PIP: variants seen among roughly 807,000 people sequenced by gnomAD.
The protein encoded by PIP is prolactin induced protein, also known as prolactin-inducible protein.
PIP carries 9 observed loss-of-function variants against 12.8 expected under a neutral mutation model. That is an observed-to-expected ratio of 0.70 (90% confidence interval 0.42 to 1.23). The LOEUF is 1.23. Among genes scored for constraint, PIP ranks in the 50% most tolerant of loss-of-function variants. The pLI, the probability that PIP is intolerant of heterozygous loss-of-function variation, is 0.00. For synonymous variants in PIP, 60 were observed against 66.1 expected (o/e 0.91, Z 0.45); for missense variants, 172 against 179.5 (o/e 0.96, Z 0.24).
At chr7:143,135,024 T>A (rs570293377) in intron 1 of PIP, among the ~76,000 whole-genome samples, 170 bp from the exon 2 acceptor site, 4 of 152,078 alleles carry the variant, frequency 2.6e-5, no homozygotes, top group Non-Finnish European at 5.9e-5. Flanking sequence ...AAGTTACCAA[T>A]CCAATCAACA....
intron 2 of PIP, among the ~76,000 whole-genome samples, chr7:143,138,677 T>C (rs899302187): frequency 1.1e-4 from 17 of 152,124 alleles, no homozygotes; most frequent in South Asian, 8.3e-4. Context: ...CATTGGCTCC[T>C]ACACGCAAGT....
Position 143,137,103 on chromosome 7 carries a change from T to C in PIP, c.201+1804T>C, listed in dbSNP as rs1290289240. On this transcript the variant is annotated intron_variant, in intron 2 of 3. Transcript: ENST00000291009. ...ATATTTATTTATTTTAGAATTAGAA[T>C]AGAATATACCTACAATCGTATATTT... is the stretch of plus-strand genomic sequence containing the variant. Among the ~76,000 whole-genome samples the C allele has an allele frequency of 1.3e-5, 2 of 152,036 alleles. 1 individual carries two copies. Among genetic ancestry groups the C allele is most frequent in the Non-Finnish European group, 2.9e-5 (2 of 67,976 alleles).
Position 143,135,239 on chromosome 7 carries a change from T to C in PIP, c.141T>C (p.Arg47=), listed in dbSNP as rs1163929266. Residue 47 remains arginine, a synonymous_variant, in exon 2 of 4, where the codon CGT becomes CGC. Coordinates refer to ENST00000291009, the MANE Select transcript of PIP (RefSeq NM_002652.3). ...IKNFDIPKSV[R]PNDEVTAVLA... ...ATTTTGACATTCCCAAGTCAGTACG[T>C]CCAAATGACGAAGTCACTGCAGTGC... The C allele has an allele frequency of 6.2e-7, 1 of 1,602,890 alleles. No homozygotes were observed. The highest frequency in any genetic ancestry group is 8.5e-7 in the Non-Finnish European group (1 of 1,170,110).
chr7:143,136,353 T>G (rs1056468449), intron 2 of PIP, among the ~76,000 whole-genome samples: 7 of 151,986 alleles, frequency 4.6e-5, no homozygotes. Context: ...AAATGAGACT[T>G]AAGGACAATG....
At chr7:143,134,231 T>TATATAC (rs1799279453) in intron 1 of PIP, among the ~76,000 whole-genome samples, 1 of 80,872 alleles carries the variant, frequency 1.2e-5, no homozygotes, top group Non-Finnish European at 2.5e-5. Context: ...TATATATATA[T>TATATAC]ATACCACAGT....
At chr7:143,132,237 C>A in intron 1 of PIP, 26 bp downstream of exon 1, 3 of 1,601,220 alleles carry the variant, frequency 1.9e-6, no homozygotes, top group Admixed American at 1.7e-5. Context: ...CTCCTCCCCA[C>A]AAAAAAAATT....
At chr7:143,134,218 AT>A (rs1563015826) in intron 1 of PIP, among the ~76,000 whole-genome samples, 2,792 of 114,294 alleles carry the variant, frequency 0.024, 129 homozygotes, top group Middle Eastern at 0.037. Flanking sequence ...ATATATATAT[AT>A]ATATATATAT....
chr7:143,132,131 G>A lies in PIP; in HGVS notation c.15G>A (p.Gln5=). ...TTTTCTCCAGCATGCGCTTGCTCCA[G>A]CTCCTGTTCAGGGCCAGCCCTGCCA... MRLL[Q]LLFRASPATL... Residue 5 remains glutamine (Q), a synonymous_variant, in exon 1 of 4, where the codon CAG becomes CAA. Transcript: ENST00000291009. The A allele has an allele frequency of 6.2e-7, 1 of 1,612,768 alleles. No homozygotes were observed. The highest frequency in any genetic ancestry group is 1.3e-5 in the African/African-American group (1 of 74,996).
intron 1 of PIP, among the ~76,000 whole-genome samples, chr7:143,134,183 C>CACATATAT (rs1799274447): frequency 4.8e-5 from 2 of 41,664 alleles, no homozygotes; most frequent in Non-Finnish European, 4.3e-5. Flanking sequence ...AGTATTCCAT[C>CACATATAT]ATATATATAT....
At chr7:143,137,512 C>T (rs940761095) in intron 2 of PIP, among the ~76,000 whole-genome samples, 6 of 152,124 alleles carry the variant, frequency 3.9e-5, no homozygotes, top group African/African-American at 1.4e-4. Context: ...ACACGTCCCA[C>T]GTGCCATGCT....
At chr7:143,138,964 C>A in intron 2 of PIP, 111 bp from the exon 3 acceptor site, 1 of 685,830 alleles carries the variant, frequency 1.5e-6, no homozygotes, top group Non-Finnish European at 2.7e-6. Context: ...TTGCCCTAGG[C>A]CCACCTCCAC....
At chr7:143,135,073 T>C (rs1025932225) in intron 1 of PIP, 121 bp from the exon 2 acceptor site, 1 of 551,120 alleles carries the variant, frequency 1.8e-6, no homozygotes, top group Non-Finnish European at 3.4e-6. Context: ...GAACAATTGA[T>C]CCAAGCCCCA....
chr7:143,138,163 C>T (rs540550480), intron 2 of PIP, among the ~76,000 whole-genome samples: 5 of 152,174 alleles, frequency 3.3e-5, no homozygotes, highest in South Asian at 2.1e-4. Context: ...GGCTGTATTT[C>T]GGACCTCTGG....
intron 1 of PIP, 67 bp downstream of exon 1, chr7:143,132,278 T>C (rs1799250240): frequency 6.4e-7 from 1 of 1,551,968 alleles, no homozygotes; most frequent in Non-Finnish European, 8.9e-7. Context: ...AGTCTGGAAA[T>C]TACATATCTC....
chr7:143,132,332 A>T, intron 1 of PIP, 121 bp downstream of exon 1: 1 of 1,140,368 alleles, frequency 8.8e-7, no homozygotes. Context: ...TAGTCCCAGG[A>T]GCTCCCATGG....
intron 2 of PIP, among the ~76,000 whole-genome samples, chr7:143,135,766 C>T (rs1031520699): frequency 8.5e-5 from 13 of 152,092 alleles, no homozygotes; most frequent in Non-Finnish European, 8.8e-5. Context: ...TGTCCTCTTG[C>T]CTTCTTCTGC....
At chr7:143,132,239 A>C (rs760604837) in intron 1 of PIP, 28 bp downstream of exon 1, 20 of 1,609,236 alleles carry the variant, frequency 1.2e-5, no homozygotes, top group Non-Finnish European at 1.6e-5. Flanking sequence ...CCTCCCCACA[A>C]AAAAAATTGC....
Position 143,137,535 on chromosome 7 carries a change from G to T in PIP, c.202-1540G>T, listed in dbSNP as rs760962455. 1.4e-4 allele frequency among the ~76,000 whole-genome samples: 21 copies of T among 152,086 alleles called. 1 individual carries two copies. The highest frequency in any genetic ancestry group is 6.5e-4 in the Admixed American group (10 of 15,270). ...CACGTGCCATGCTAGGCATGCAACG[G>T]ATTCTGATCTTTTATTGTACAAGTG... On this transcript the variant is annotated intron_variant, in intron 2 of 3. Transcript: ENST00000291009.
chr7:143,134,445 A>T (rs315282), intron 1 of PIP, among the ~76,000 whole-genome samples: 2 of 150,842 alleles, frequency 1.3e-5, no homozygotes, highest in Non-Finnish European at 3.0e-5. Context: ...ACACTGTTTT[A>T]CATAGTGGTT....
Sources: allele counts gnomAD v4.1 joint callset (sites outside exome capture counted in the v4.1 genomes callset), GRCh38; gene constraint gnomAD v4.1.1; transcripts MANE v1.5; gene names NCBI Gene and HGNC (gene_info 2026-07-23, HGNC 2026-07-21).